Variants in LAMA2 observed in about 807,000 individuals in gnomAD.
LAMA2 encodes the protein laminin subunit alpha 2.
A neutral mutation model predicts 364.8 loss-of-function variants in LAMA2; 269 were observed. The ratio of observed to expected loss-of-function variants is 0.74; its 90% CI spans 0.67 to 0.82. LAMA2 has a LOEUF of 0.82. LAMA2 is among the 40% of genes least tolerant of loss of function. The pLI is 0.00. For missense variants in LAMA2, 3,807 were observed against 3,873.2 expected, an observed-to-expected ratio of 0.98 and a Z score of 0.45; for synonymous variants, 1,379 against 1,370.6, an observed-to-expected ratio of 1.01 and a Z score of -0.14.
chr6:129,423,165 G>A (rs984325558), intron 40 of LAMA2, among the ~76,000 whole-genome samples: 18 of 151,862 alleles, frequency 1.2e-4, no homozygotes, highest in African/African-American at 4.1e-4. Flanking sequence ...ACTAAGAGTA[G>A]GGGAACTTCA....
chr6:129,185,452 A>AT (rs1781170066), intron 10 of LAMA2, among the ~76,000 whole-genome samples: 1 of 151,860 alleles, frequency 6.6e-6, no homozygotes, highest in African/African-American at 2.4e-5. Flanking sequence ...GACAGCCATG[A>AT]TTTTTTGTAG....
chr6:128,895,601 T>C (rs1346557801), intron 1 of LAMA2, among the ~76,000 whole-genome samples: 1 of 151,942 alleles, frequency 6.6e-6, no homozygotes, highest in Non-Finnish European at 1.5e-5. Flanking sequence ...TGAGCCGAGA[T>C]TGCGCCACTG....
intron 1 of LAMA2, among the ~76,000 whole-genome samples, chr6:128,951,593 A>G (rs978118796): frequency 6.6e-6 from 1 of 152,160 alleles, no homozygotes; most frequent in Admixed American, 6.5e-5. Context: ...AGTAATCTAT[A>G]GTGATCTGAG....
intron 1 of LAMA2, among the ~76,000 whole-genome samples, chr6:128,923,599 A>G (rs1237011262): frequency 6.6e-6 from 1 of 152,176 alleles, no homozygotes; most frequent in Admixed American, 6.5e-5. Context: ...GAAAGGATGA[A>G]GATATAGATA....
intron 1 of LAMA2, among the ~76,000 whole-genome samples, chr6:128,972,182 GT>G (rs1782225366): frequency 6.6e-6 from 1 of 152,182 alleles, no homozygotes; most frequent in South Asian, 2.1e-4. Context: ...GCTATTTTAT[GT>G]GCTTTGAAGC....
At chr6:129,168,917 CTT>C (rs1779946449) in intron 9 of LAMA2, among the ~76,000 whole-genome samples, 1 of 151,232 alleles carries the variant, frequency 6.6e-6, no homozygotes, top group Non-Finnish European at 1.5e-5. Context: ...ATTTTATTCT[CTT>C]TGAAGCAATT....
At chr6:128,934,887 G>C (rs1389063438) in intron 1 of LAMA2, among the ~76,000 whole-genome samples, 2 of 152,142 alleles carry the variant, frequency 1.3e-5, no homozygotes, top group East Asian at 3.8e-4. Context: ...TTTGGGTAAT[G>C]TGGACATTTT....
At chr6:129,189,047 G>C (rs989908173) in intron 10 of LAMA2, among the ~76,000 whole-genome samples, 3 of 152,008 alleles carry the variant, frequency 2.0e-5, no homozygotes, top group African/African-American at 7.2e-5. Context: ...CTAATGCTCA[G>C]TGCTGTACCA....
chr6:129,136,045 G>A (rs1777772187), intron 4 of LAMA2, among the ~76,000 whole-genome samples: 1 of 152,004 alleles, frequency 6.6e-6, no homozygotes, highest in Non-Finnish European at 1.5e-5. Context: ...AAAAAAGTGA[G>A]AGGGAAGGGG....
intron 4 of LAMA2, among the ~76,000 whole-genome samples, chr6:129,140,778 C>T (rs1032250732): frequency 2.0e-5 from 3 of 152,010 alleles, no homozygotes; most frequent in Non-Finnish European, 4.4e-5. Flanking sequence ...GGAAGCTGCA[C>T]ACAACATCGC....
In LAMA2 at chr6:129,050,045, C is replaced by A. The variant is rs201028930; in HGVS notation, c.240C>A (p.Asn80Lys). Reference protein sequence around the residue: ...VEHVPGQPVRNPQCRICNQNS... With the variant: ...VEHVPGQPVRKPQCRICNQNS... ...ATGTCCCTGGGCAGCCTGTGAGGAA[C>A]CCGCAGTGTCGAATCTGCAATCAAA... The change falls in exon 2 of 65, where the codon AAC becomes AAA. Residue 80 changes from asparagine (N) to lysine (K), a missense_variant. By Grantham distance (94) the Asn-to-Lys change is moderately conservative. This residue lies in a region of LAMA2 where 394 missense variants were observed against 403.5 expected (regional missense o/e 0.98). Coordinates refer to ENST00000421865, the MANE Select transcript of LAMA2 (RefSeq NM_000426.4). 6.2e-7 allele frequency: 1 copy of A among 1,614,172 alleles called. No homozygotes were observed. Among genetic ancestry groups the A allele is most frequent in the East Asian group, 2.2e-5 (1 of 44,882 alleles).
chr6:129,230,582 T>C (rs1472426887), intron 12 of LAMA2, among the ~76,000 whole-genome samples: 1 of 151,984 alleles, frequency 6.6e-6, no homozygotes, highest in Non-Finnish European at 1.5e-5. Flanking sequence ...ATGCTGAAGA[T>C]TCAAGGAGAA....
intron 28 of LAMA2, among the ~76,000 whole-genome samples, chr6:129,322,330 G>A (rs1425895421): frequency 6.6e-6 from 1 of 152,166 alleles, no homozygotes; most frequent in African/African-American, 2.4e-5. Context: ...ATATACATAT[G>A]TACACATAGT....
intron 1 of LAMA2, among the ~76,000 whole-genome samples, chr6:128,997,995 A>T (rs1166864379): frequency 1.3e-5 from 2 of 152,048 alleles, no homozygotes; most frequent in Non-Finnish European, 2.9e-5. Context: ...GATGGATAGG[A>T]GAAAGGACCC....
At chr6:129,374,735 G>A (rs903828790) in intron 34 of LAMA2, among the ~76,000 whole-genome samples, 2 of 147,552 alleles carry the variant, frequency 1.4e-5, no homozygotes, top group Admixed American at 6.8e-5. Flanking sequence ...CTGCTACCAT[G>A]CCCAGCTAAT....
At chr6:129,058,039 T>G (rs1354209020) in intron 2 of LAMA2, among the ~76,000 whole-genome samples, 3 of 152,174 alleles carry the variant, frequency 2.0e-5, no homozygotes, top group Non-Finnish European at 4.4e-5. Flanking sequence ...TGTTTACATT[T>G]CTATGGGCAA....
chr6:129,492,582 A>G, intron 58 of LAMA2, 99 bp downstream of exon 58: 1 of 1,089,048 alleles, frequency 9.2e-7, no homozygotes, highest in Non-Finnish European at 1.4e-6. Flanking sequence ...ACACTCTGAT[A>G]TTAGAATTGA....
At chr6:129,270,926 G>A (rs1004215419) in intron 17 of LAMA2, among the ~76,000 whole-genome samples, 175 bp downstream of exon 17, 8 of 152,072 alleles carry the variant, frequency 5.3e-5, no homozygotes, top group Non-Finnish European at 7.4e-5. Context: ...AAACTATGAG[G>A]ATTTCTAAGA....
intron 4 of LAMA2, among the ~76,000 whole-genome samples, chr6:129,138,193 G>C (rs1374233532): frequency 6.6e-6 from 1 of 151,928 alleles, no homozygotes; most frequent in Non-Finnish European, 1.5e-5. Flanking sequence ...CTGACTATAT[G>C]AATGGGAAAT....
Sources: gnomAD v4.1 joint callset for allele counts (sites outside exome capture counted in the v4.1 genomes callset) on GRCh38, gnomAD v4.1.1 for gene constraint, gnomAD v4.1.1 regional missense constraint, MANE v1.5 for transcripts, NCBI Gene and HGNC (gene_info 2026-07-23, HGNC 2026-07-21) for gene names.